Variants in BEND3 observed in about 807,000 individuals in gnomAD.
BEND3 encodes the protein BEN domain containing 3.
Under a neutral mutation model 60.1 loss-of-function variants are expected in BEND3, and 13 were observed. The ratio of observed to expected loss-of-function variants is 0.22; its 90% confidence interval spans 0.14 to 0.34. The LOEUF is 0.34. BEND3 is among the 10% of genes least tolerant of loss of function. The pLI is 1.00. For missense variants in BEND3, 896 were observed against 1,138.1 expected (o/e 0.79, Z 3.06); for synonymous variants, 497 against 491.5 (o/e 1.01, Z -0.15).
At chr6:107,100,842 G>C (rs868972555) in intron 1 of BEND3, among the ~76,000 whole-genome samples, 1 of 152,186 alleles carries the variant, frequency 6.6e-6, no homozygotes, top group African/African-American at 2.4e-5. Context: ...TGATTAAGCT[G>C]ACTACAAACA....
intron 3 of BEND3, among the ~76,000 whole-genome samples, chr6:107,097,853 A>G (rs1241649680): frequency 6.6e-6 from 1 of 151,026 alleles, no homozygotes; most frequent in Non-Finnish European, 1.5e-5. Flanking sequence ...CATGATGTGG[A>G]ATGTAGGTCC....
chr6:107,072,546 G>C (rs1335714564), intron 3 of BEND3, among the ~76,000 whole-genome samples: 6 of 152,232 alleles, frequency 3.9e-5, no homozygotes, highest in African/African-American at 1.4e-4. Flanking sequence ...GTAGGGAAAA[G>C]AGACAACCTC....
Position 107,068,649 on chromosome 6 carries a change from G to A in BEND3, c.*55C>T. On this transcript the variant is annotated 3_prime_UTR_variant, in exon 4 of 4. Transcript: ENST00000369042. This position sits in a 1 kb window ranked among gnomAD's most constrained non-coding sequence, Gnocchi z 5.8. ...CTCCCAAGTATTGCTCAGTCCCAAG[G>A]GTGCCCATCGCTCAGCCTCTGGTGA... 1.9e-6 allele frequency: 3 copies of A among 1,569,282 alleles called. No individual in the cohort carries two copies. The highest frequency in any genetic ancestry group is 2.6e-6 in the Non-Finnish European group (3 of 1,156,784).
Position 107,069,187 on chromosome 6 carries a change from T to C in BEND3, c.2004A>G (p.Arg668=). 4 of 1,612,504 alleles carry C rather than the reference T, an allele frequency of 2.5e-6. No homozygotes were observed. Among genetic ancestry groups the C allele is most frequent in the Non-Finnish European group, 3.4e-6 (4 of 1,180,014 alleles). ...RKVHVPGPEC[R]DLTSYAINPE... ...GGTTGATTGCATAGCTGGTCAAGTC[T>C]CTGCACTCAGGGCCCGGCACGTGGA... Residue 668 remains arginine (R), a synonymous_variant, in exon 4 of 4, where the codon AGA becomes AGG. Coordinates refer to ENST00000369042, the MANE Select transcript of BEND3 (RefSeq NM_001367314.1).
chr6:107,108,813 T>C (rs146105288), intron 1 of BEND3, among the ~76,000 whole-genome samples: 4 of 152,214 alleles, frequency 2.6e-5, no homozygotes, highest in Admixed American at 6.5e-5. Context: ...GGTTGATTGA[T>C]TGATTGATTT....
At chr6:107,085,912 A>G (rs1285841371) in intron 3 of BEND3, among the ~76,000 whole-genome samples, 7 of 149,828 alleles carry the variant, frequency 4.7e-5, no homozygotes, top group African/African-American at 1.7e-4. Flanking sequence ...TCAGCCTCCC[A>G]AGTAGCTGGG....
At chr6:107,099,451 T>C (rs1370889218) in intron 1 of BEND3, among the ~76,000 whole-genome samples, 155 bp from the exon 2 acceptor site, 13 of 152,216 alleles carry the variant, frequency 8.5e-5, no homozygotes, top group Admixed American at 8.5e-4. Flanking sequence ...TAATCTTGTC[T>C]GCAGACACTC....
chr6:107,098,844 C>T (rs782265182), intron 2 of BEND3, 91 bp from the exon 3 acceptor site: 49 of 1,030,418 alleles, frequency 4.8e-5, no homozygotes, highest in East Asian at 3.4e-4. Flanking sequence ...GTCTGTGGGC[C>T]GCCCTTTGAC....
chr6:107,105,924 C>T, intron 1 of BEND3, among the ~76,000 whole-genome samples: 1 of 152,090 alleles, frequency 6.6e-6, no homozygotes, highest in East Asian at 1.9e-4. Flanking sequence ...GAATGTGGGC[C>T]CCAGAACAGG....
intron 1 of BEND3, 47 bp from the exon 2 acceptor site, chr6:107,099,343 TTTC>T: frequency 6.6e-7 from 1 of 1,525,290 alleles, no homozygotes; most frequent in Non-Finnish European, 9.0e-7. Context: ...GCTTGATTTA[TTTC>T]TTAATTTTCT....
chr6:107,076,519 T>C (rs1554232797), intron 3 of BEND3, among the ~76,000 whole-genome samples: 2 of 152,094 alleles, frequency 1.3e-5, no homozygotes, highest in African/African-American at 4.8e-5. Flanking sequence ...AAATAGACTA[T>C]TTAGGGAGAC....
intron 1 of BEND3, among the ~76,000 whole-genome samples, chr6:107,111,802 T>C (rs967123475): frequency 6.6e-6 from 1 of 151,894 alleles, no homozygotes; most frequent in African/African-American, 2.4e-5. Flanking sequence ...GCCAATAAGG[T>C]GAAACCCCAT....
In BEND3 at chr6:107,070,035, T is replaced by C. The variant is rs578182907; in HGVS notation, c.1156A>G (p.Ile386Val). 1 of 1,613,788 alleles carries C rather than the reference T, an allele frequency of 6.2e-7. No individual in the cohort carries two copies. Among genetic ancestry groups the C allele is most frequent in the South Asian group, 1.1e-5 (1 of 91,090 alleles). ...EALSLDRSST[I>V]ASDHVVDTQD... ...GTGTCCACCACGTGGTCTGAGGCGA[T>C]GGTGCTGCTCCGGTCAAGAGACAGG... The change falls in exon 4 of 4, where the codon ATC (isoleucine) becomes GTC (valine). Residue 386 changes from isoleucine (I) to valine (V), a missense_variant. Around this residue, in one of 4 missense-constraint regions of BEND3, gnomAD observed 846 missense variants for 1,036.7 expected, o/e 0.82. Coordinates refer to ENST00000369042, the MANE Select transcript of BEND3 (RefSeq NM_001367314.1). The surrounding 1 kb of genome is among the most constrained non-coding windows in gnomAD (Gnocchi z 6.9).
intron 3 of BEND3, among the ~76,000 whole-genome samples, chr6:107,084,888 G>T (rs1200013939): frequency 6.6e-6 from 1 of 152,330 alleles, no homozygotes; most frequent in African/African-American, 2.4e-5. Flanking sequence ...GCCAAATAAG[G>T]GAATAAAAGC....
At chr6:107,072,898 GGAT>G (rs1283885847) in intron 3 of BEND3, among the ~76,000 whole-genome samples, 5 of 151,984 alleles carry the variant, frequency 3.3e-5, no homozygotes, top group Admixed American at 1.3e-4. Flanking sequence ...TGAAGTAGGA[GGAT>G]AACTTGAGCC....
At position 107,070,243 on chromosome 6, in the gene BEND3, G is replaced by T; in HGVS notation, c.948C>A (p.Pro316=). 1 of 1,613,022 alleles carries T rather than the reference G, an allele frequency of 6.2e-7. No individual in the cohort carries two copies. The highest frequency in any genetic ancestry group is 8.5e-7 in the Non-Finnish European group (1 of 1,179,982). The change falls in exon 4 of 4, where the codon CCC becomes CCA. Residue 316 remains proline (P), a synonymous_variant. Transcript: ENST00000369042. The surrounding 1 kb of genome is among the most constrained non-coding windows in gnomAD (Gnocchi z 6.9). Reference sequence around the variant, plus strand: ...GCCACACAGCCGTGTCCTTCACCGAGGGGTAGTAGACCTCCACATAGTTGC... The same window carrying T: ...GCCACACAGCCGTGTCCTTCACCGATGGGTAGTAGACCTCCACATAGTTGC... ...LIRNYVEVYY[P]SVKDTAVWQA... is the part of the protein sequence containing the mutation.
At position 107,111,994 on chromosome 6, in the gene BEND3, A is replaced by C. The variant is rs1191869802; in HGVS notation, c.-12+3096T>G. Among the ~76,000 whole-genome samples, 9 of 149,044 alleles carry C rather than the reference A, an allele frequency of 6.0e-5. No individual in the cohort carries two copies. The East Asian group carries it at 1.6e-3, about 26-fold the overall frequency. ...GAGACTCCGTTTCAAAAAAAAAAAA[A>C]AAAAAAAAAAAATTAAGCACCAGGA... On this transcript the variant is annotated intron_variant, in intron 1 of 3. Coordinates refer to ENST00000369042, the MANE Select transcript of BEND3 (RefSeq NM_001367314.1).
At chr6:107,081,016 C>T (rs1330025584) in intron 3 of BEND3, among the ~76,000 whole-genome samples, 1 of 152,108 alleles carries the variant, frequency 6.6e-6, no homozygotes, top group Admixed American at 6.6e-5. Flanking sequence ...AGCTGGAGTG[C>T]AGAGGCAGGA....
intron 3 of BEND3, among the ~76,000 whole-genome samples, chr6:107,092,539 C>G (rs955708457): frequency 1.3e-5 from 2 of 152,188 alleles, no homozygotes; most frequent in African/African-American, 4.8e-5. Flanking sequence ...GGTGAGAAAT[C>G]AGAAGGTTTC....
Sources: allele counts gnomAD v4.1 joint callset (sites outside exome capture counted in the v4.1 genomes callset), GRCh38; gene constraint gnomAD v4.1.1; regional missense constraint gnomAD v4.1.1; non-coding constraint Gnocchi (gnomAD v3.1); transcripts MANE v1.5; gene names NCBI Gene and HGNC (gene_info 2026-07-23, HGNC 2026-07-21).